The following XPO4 variants were observed in gnomAD, a reference collection of about 807,000 sequenced individuals.
The protein encoded by XPO4 is exportin 4.
XPO4 carries 39 observed loss-of-function variants against 143.0 expected under a neutral mutation model. The ratio of observed to expected loss-of-function variants is 0.27; its 90% CI spans 0.21 to 0.36. XPO4 has a LOEUF of 0.36. Ranked by LOEUF, XPO4 falls within the 10% of genes least tolerant of loss-of-function variation. The pLI is 1.00. For synonymous variants in XPO4, 439 were observed against 474.0 expected (o/e 0.93, Z 0.96); for missense variants, 907 against 1,348.0 (o/e 0.67, Z 5.12).
At chr13:20,894,905 T>A (rs959947801) in intron 1 of XPO4, among the ~76,000 whole-genome samples, 2 of 149,772 alleles carry the variant, frequency 1.3e-5, no homozygotes, top group East Asian at 3.9e-4. Context: ...AGGCTGGGTG[T>A]GGTATCTCAC....
intron 22 of XPO4, among the ~76,000 whole-genome samples, chr13:20,784,689 T>C (rs2059178772): frequency 6.6e-6 from 1 of 152,234 alleles, no homozygotes; most frequent in Non-Finnish European, 1.5e-5. Context: ...AGGCCTTTAA[T>C]GCCAGCACTT....
At chr13:20,851,551 T>A in intron 4 of XPO4, 2 of 592,808 alleles carry the variant, frequency 3.4e-6, no homozygotes, top group Non-Finnish European at 4.2e-6. Context: ...TCTACAACAA[T>A]ACAAAAAATT....
In XPO4 at chr13:20,780,937, A is replaced by G. The variant is rs9578318; in HGVS notation, c.*2785T>C. 1 of 152,236 alleles carries G rather than the reference A, an allele frequency of 6.6e-6. No homozygotes were observed. Among genetic ancestry groups the G allele is most frequent in the African/African-American group, 2.4e-5 (1 of 41,470 alleles). The allele number at this position is 152,236 out of a possible 1,614,324, so 9.4% of individuals were successfully genotyped here. A position where few individuals can be genotyped will look rare whatever the true frequency, so the allele number is the denominator to read the frequency against. ...CCACATTAACAGACTGTGAAAGTAC[A>G]AAGTCTTTAGTGATTGTGCCTTGGG... On this transcript the variant is annotated 3_prime_UTR_variant, in exon 23 of 23. Transcript: ENST00000255305.
intron 6 of XPO4, among the ~76,000 whole-genome samples, chr13:20,833,477 G>T (rs2059877600): frequency 6.6e-6 from 1 of 152,106 alleles, no homozygotes; most frequent in Non-Finnish European, 1.5e-5. Context: ...ATCACCTCTA[G>T]ATTAATTATA....
intron 1 of XPO4, among the ~76,000 whole-genome samples, chr13:20,873,636 C>A (rs889195283): frequency 1.3e-5 from 2 of 152,052 alleles, no homozygotes; most frequent in Non-Finnish European, 2.9e-5. Context: ...AATCCCACAG[C>A]ACCTTTCTTT....
At chr13:20,881,658 T>G (rs1272926382) in intron 1 of XPO4, among the ~76,000 whole-genome samples, 1 of 152,152 alleles carries the variant, frequency 6.6e-6, no homozygotes, top group Admixed American at 6.6e-5. Context: ...ACTTACTATG[T>G]TTGGTTTGGA....
At chr13:20,833,210 T>C (rs2059874389) in intron 6 of XPO4, among the ~76,000 whole-genome samples, 1 of 152,038 alleles carries the variant, frequency 6.6e-6, no homozygotes. Context: ...ATAATAAATA[T>C]ATAATAATAA....
intron 1 of XPO4, among the ~76,000 whole-genome samples, chr13:20,884,319 G>C (rs917364307): frequency 6.6e-6 from 1 of 152,208 alleles, no homozygotes; most frequent in Non-Finnish European, 1.5e-5. Context: ...AAAGGGTGCA[G>C]TGAGACAAGA....
Position 20,843,797 on chromosome 13 carries a change from G to A in XPO4, c.546C>T (p.Phe182=). 3 of 1,613,042 alleles carry A rather than the reference G, an allele frequency of 1.9e-6. No homozygotes were observed. The highest frequency in any genetic ancestry group is 2.5e-6 in the Non-Finnish European group (3 of 1,179,622). Residue 182 remains phenylalanine, a synonymous_variant, in exon 5 of 23, where the codon TTC becomes TTT. Coordinates refer to ENST00000255305, the MANE Select transcript of XPO4 (RefSeq NM_022459.5). The part of the protein sequence containing the change: ...KTSNIGLSME[F]HGNCKRVFQE... ...GAAAAACTCTTTTGCAGTTACCATG[G>A]AATTCCATGCTCAATCCAATGTTGC...
At chr13:20,891,654 G>GC (rs1430863363) in intron 1 of XPO4, among the ~76,000 whole-genome samples, 1 of 152,034 alleles carries the variant, frequency 6.6e-6, no homozygotes, top group Non-Finnish European at 1.5e-5. Flanking sequence ...CCTGAGCTCA[G>GC]GAGTTCAAGA....
intron 2 of XPO4, among the ~76,000 whole-genome samples, chr13:20,868,167 T>C (rs1418870870): frequency 4.1e-5 from 6 of 146,834 alleles, no homozygotes; most frequent in Non-Finnish European, 9.1e-5. Flanking sequence ...AACTAAATGG[T>C]TAAAAAAAAA....
intron 4 of XPO4, among the ~76,000 whole-genome samples, chr13:20,845,283 A>G (rs2060019598): frequency 6.6e-6 from 1 of 152,236 alleles, no homozygotes; most frequent in Non-Finnish European, 1.5e-5. Context: ...CCCATATGTT[A>G]AAGAAGTTTC....
intron 4 of XPO4, chr13:20,851,186 G>A (rs748658104): frequency 2.0e-6 from 2 of 985,420 alleles, no homozygotes; most frequent in Non-Finnish European, 2.4e-6. Flanking sequence ...ATAAGAAAAT[G>A]TCTGAACTTC....
intron 1 of XPO4, among the ~76,000 whole-genome samples, chr13:20,901,448 CTA>C (rs1481084285): frequency 4.6e-5 from 7 of 152,144 alleles, no homozygotes; most frequent in African/African-American, 1.2e-4. Flanking sequence ...ACAAAACGCT[CTA>C]TGTCAGGGAT....
At chr13:20,785,907 G>GA (rs2059197175) in intron 22 of XPO4, among the ~76,000 whole-genome samples, 1 of 144,102 alleles carries the variant, frequency 6.9e-6, no homozygotes, top group Non-Finnish European at 1.5e-5. Context: ...AAAGAGGAGG[G>GA]AGGAAGGAAG....
intron 1 of XPO4, chr13:20,879,367 A>G: frequency 1.1e-6 from 1 of 952,164 alleles, no homozygotes. Context: ...TTAACAATAG[A>G]TGGAAGAGCG....
intron 1 of XPO4, among the ~76,000 whole-genome samples, chr13:20,882,806 G>C (rs2060424925): frequency 6.6e-6 from 1 of 151,476 alleles, no homozygotes; most frequent in African/African-American, 2.4e-5. Context: ...AGAATCGCTT[G>C]AACCAGTAGG....
chr13:20,861,937 T>G (rs2060204491), intron 3 of XPO4, among the ~76,000 whole-genome samples: 1 of 151,986 alleles, frequency 6.6e-6, no homozygotes, highest in African/African-American at 2.4e-5. Flanking sequence ...TAGAGGCGTG[T>G]GCCACCACAC....
intron 1 of XPO4, among the ~76,000 whole-genome samples, chr13:20,876,703 G>C (rs765530015): frequency 6.6e-5 from 10 of 152,100 alleles, no homozygotes; most frequent in Non-Finnish European, 1.5e-4. Context: ...TAAATTTAAA[G>C]GCACCATTAA....
Sources: gnomAD v4.1 joint callset for allele counts (sites outside exome capture counted in the v4.1 genomes callset) on GRCh38, gnomAD v4.1.1 for gene constraint, MANE v1.5 for transcripts, NCBI Gene and HGNC (gene_info 2026-07-23, HGNC 2026-07-21) for gene names.